PLCL2: variants seen among roughly 807,000 people sequenced by gnomAD.
PLCL2 encodes phospholipase C like 2, also known as inactive phospholipase C-like protein 2.
PLCL2 carries 4 observed loss-of-function variants against 79.6 expected under a neutral mutation model. The ratio of observed to expected loss-of-function variants is 0.05; its 90% CI spans 0.02 to 0.11. The LOEUF (loss-of-function observed/expected upper bound fraction) is 0.11. Among genes scored for constraint, PLCL2 ranks in the 10% least tolerant of loss-of-function variants. PLCL2 has a pLI of 1.00. For missense variants in PLCL2, 895 were observed against 1,291.0 expected (o/e 0.69, Z 4.70); for synonymous variants, 484 against 457.7 (o/e 1.06, Z -0.73).
At chr3:17,080,603 A>C (rs2065153301) in intron 5 of PLCL2, among the ~76,000 whole-genome samples, 1 of 152,024 alleles carries the variant, frequency 6.6e-6, no homozygotes, top group South Asian at 2.1e-4. Flanking sequence ...GTCGCCCGCC[A>C]CCATGCCTGG....
chr3:17,066,546 GC>G (rs1264374735), intron 4 of PLCL2, among the ~76,000 whole-genome samples: 2 of 152,204 alleles, frequency 1.3e-5, no homozygotes, highest in South Asian at 4.1e-4. Context: ...GTAAAAGTGT[GC>G]AAAAGAATGT....
At chr3:17,087,738 G>T (rs76403447) in intron 5 of PLCL2, among the ~76,000 whole-genome samples, 2,608 of 152,222 alleles carry the variant, frequency 0.017, 50 homozygotes, top group East Asian at 0.047. Context: ...GAAGGTTTGC[G>T]TAGGGAGGGA....
intron 1 of PLCL2, among the ~76,000 whole-genome samples, chr3:16,894,266 A>G (rs1487377496): frequency 6.6e-6 from 1 of 152,168 alleles, no homozygotes; most frequent in Non-Finnish European, 1.5e-5. Flanking sequence ...TTAAATGCCA[A>G]TATAATTATT....
At chr3:17,030,568 GTC>G (rs2124908957) in intron 3 of PLCL2, among the ~76,000 whole-genome samples, 1 of 152,278 alleles carries the variant, frequency 6.6e-6, no homozygotes, top group Non-Finnish European at 1.5e-5. Context: ...TAAGCAAGTT[GTC>G]TCTCTGCTCT....
intron 2 of PLCL2, 135 bp from the exon 3 acceptor site, chr3:17,014,573 G>A: frequency 2.8e-6 from 2 of 707,680 alleles, no homozygotes; most frequent in Non-Finnish European, 4.9e-6. Context: ...ACAATCATTA[G>A]CCAATTCTGT....
At chr3:17,042,711 TATC>T (rs1215587433) in intron 3 of PLCL2, 160 bp from the exon 4 acceptor site, 11 of 597,880 alleles carry the variant, frequency 1.8e-5, no homozygotes, top group Non-Finnish European at 3.1e-5. Flanking sequence ...TGTGTGATGT[TATC>T]ATTTTCACAT....
At chr3:16,998,796 T>A (rs779531622) in intron 1 of PLCL2, among the ~76,000 whole-genome samples, 30 of 152,226 alleles carry the variant, frequency 2.0e-4, no homozygotes, top group Non-Finnish European at 3.4e-4. Flanking sequence ...CAATTAGAGA[T>A]ACCCTTGTTT....
chr3:17,074,285 T>C (rs546603877), intron 5 of PLCL2, among the ~76,000 whole-genome samples: 1 of 152,366 alleles, frequency 6.6e-6, no homozygotes, highest in African/African-American at 2.4e-5. Flanking sequence ...ATTGTTGATA[T>C]GCAGTAATAT....
chr3:17,043,030 A>C, intron 4 of PLCL2, 81 bp downstream of exon 4: 1 of 875,788 alleles, frequency 1.1e-6, no homozygotes, highest in South Asian at 1.4e-5. Flanking sequence ...CATTTTTTGG[A>C]TGCTATATCA....
chr3:17,043,153 T>C (rs1269472715), intron 4 of PLCL2, among the ~76,000 whole-genome samples: 2 of 152,162 alleles, frequency 1.3e-5, no homozygotes, highest in Non-Finnish European at 2.9e-5. Context: ...TACATTAACA[T>C]TGGTCTGAGG....
chr3:16,990,235 A>G (rs1302180907), intron 1 of PLCL2, among the ~76,000 whole-genome samples: 1 of 152,228 alleles, frequency 6.6e-6, no homozygotes, highest in Admixed American at 6.5e-5. Context: ...TTTAATAACA[A>G]CAACCCTAGG....
chr3:16,937,150 T>C (rs4685404), intron 1 of PLCL2, among the ~76,000 whole-genome samples: 68,579 of 151,994 alleles, frequency 0.45, 15,609 homozygotes, highest in East Asian at 0.63. Flanking sequence ...GAACCACTGG[T>C]ATAGCCAATG....
chr3:16,977,240 G>C (rs1380473644), intron 1 of PLCL2, among the ~76,000 whole-genome samples: 2 of 152,106 alleles, frequency 1.3e-5, no homozygotes, highest in African/African-American at 4.8e-5. Context: ...AGTGGGGAAT[G>C]ATTTCAAACT....
rs146254451 is a variant in PLCL2, at chr3:17,013,151, G to A, written c.2814+991G>A. Among the ~76,000 whole-genome samples, 13 of 152,200 alleles carry A rather than the reference G, an allele frequency of 8.5e-5. No homozygotes were observed. The East Asian group carries it at 2.5e-3, about 29-fold the overall frequency. On this transcript the variant is annotated intron_variant, in intron 2 of 5. Coordinates refer to ENST00000615277, the MANE Select transcript of PLCL2 (RefSeq NM_001144382.2). ...CTGTTTTTGAGGGTGAAAGTGGTTT[G>A]GTAAACCCTCAGCTCTGAGCAAGCG...
chr3:16,896,733 G>C (rs1696488737), intron 1 of PLCL2, among the ~76,000 whole-genome samples: 1 of 152,088 alleles, frequency 6.6e-6, no homozygotes. Flanking sequence ...CAGGTGGTCG[G>C]TCAACAGAGA....
At chr3:16,903,491 G>A (rs1392805537) in intron 1 of PLCL2, among the ~76,000 whole-genome samples, 1 of 152,154 alleles carries the variant, frequency 6.6e-6, no homozygotes, top group African/African-American at 2.4e-5. Context: ...AAAATACTAA[G>A]AAAGCAAAGT....
At chr3:16,963,817 C>A (rs1261608134) in intron 1 of PLCL2, among the ~76,000 whole-genome samples, 2 of 151,708 alleles carry the variant, frequency 1.3e-5, no homozygotes, top group African/African-American at 4.8e-5. Context: ...CACCCTTCTC[C>A]TAAGTGGCTG....
chr3:17,071,352 A>G (rs1240038374), intron 5 of PLCL2, among the ~76,000 whole-genome samples: 1 of 152,236 alleles, frequency 6.6e-6, no homozygotes, highest in Non-Finnish European at 1.5e-5. Flanking sequence ...TTTAAAATTC[A>G]GAAATGAACA....
intron 1 of PLCL2, among the ~76,000 whole-genome samples, chr3:16,943,455 A>G (rs1206918788): frequency 6.6e-6 from 1 of 152,210 alleles, no homozygotes; most frequent in Non-Finnish European, 1.5e-5. Flanking sequence ...TATGAAGGAA[A>G]TAGTTTTCAA....
Sources: allele counts gnomAD v4.1 joint callset (sites outside exome capture counted in the v4.1 genomes callset), GRCh38; gene constraint gnomAD v4.1.1; transcripts MANE v1.5; gene names NCBI Gene and HGNC (gene_info 2026-07-23, HGNC 2026-07-21).